Variants in TENM4 observed in about 807,000 individuals in gnomAD.
TENM4 encodes the protein teneurin transmembrane protein 4, also known as teneurin-4.
In TENM4, 82 loss-of-function variants were observed where a neutral mutation model predicts 243.3. That is an observed-to-expected ratio of 0.34 (90% CI 0.28 to 0.40). The LOEUF is 0.40. Ranked by LOEUF, TENM4 falls within the 10% of genes least tolerant of loss-of-function variation. The pLI, the probability that TENM4 is intolerant of heterozygous loss-of-function variation, is 1.00. For missense variants in TENM4, 3,138 were observed against 3,673.3 expected (o/e 0.85, Z 3.77); for synonymous variants, 1,412 against 1,456.3 (o/e 0.97, Z 0.69).
chr11:79,429,806 G>T (rs1590960916), intron 1 of TENM4, among the ~76,000 whole-genome samples: 1 of 152,200 alleles, frequency 6.6e-6, no homozygotes, highest in Non-Finnish European at 1.5e-5. Flanking sequence ...TAATGGTGCT[G>T]ATTCAAGGAT....
At chr11:78,940,258 T>C (rs1388326659) in intron 6 of TENM4, among the ~76,000 whole-genome samples, 1 of 152,258 alleles carries the variant, frequency 6.6e-6, no homozygotes, top group African/African-American at 2.4e-5. Flanking sequence ...ATGATTTTAA[T>C]GACTACCTAA....
At chr11:78,847,709 C>A (rs899645599) in intron 12 of TENM4, among the ~76,000 whole-genome samples, 1 of 152,166 alleles carries the variant, frequency 6.6e-6, no homozygotes, top group Admixed American at 6.5e-5. Context: ...TACCAAGAGA[C>A]CTCAATTCTT....
chr11:79,008,377 G>A (rs569207292), intron 6 of TENM4, among the ~76,000 whole-genome samples: 74 of 152,118 alleles, frequency 4.9e-4, no homozygotes, highest in African/African-American at 1.7e-3. Flanking sequence ...CCCTTCTTTA[G>A]AAACATGTAT....
chr11:79,250,409 C>T (rs1288945750), intron 2 of TENM4, among the ~76,000 whole-genome samples: 1 of 152,220 alleles, frequency 6.6e-6, no homozygotes, highest in Non-Finnish European at 1.5e-5. Flanking sequence ...AGTGGCAGAG[C>T]TAGAATTTGA....
chr11:79,082,417 GCAGT>G, intron 4 of TENM4, among the ~76,000 whole-genome samples: 1 of 152,246 alleles, frequency 6.6e-6, no homozygotes, highest in East Asian at 1.9e-4. Flanking sequence ...GTTGTGACTG[GCAGT>G]CAGCCGCATC....
intron 4 of TENM4, among the ~76,000 whole-genome samples, chr11:79,105,807 C>T (rs12419002): frequency 0.14 from 21,685 of 152,216 alleles, 1,627 homozygotes; most frequent in Middle Eastern, 0.19. Context: ...AGCAAGGTAA[C>T]AGTGTTGCTG....
chr11:79,066,359 A>G (rs1860246313), intron 5 of TENM4, among the ~76,000 whole-genome samples: 1 of 152,200 alleles, frequency 6.6e-6, no homozygotes, highest in Admixed American at 6.5e-5. Flanking sequence ...ACAAGCCTGC[A>G]AAGGAAAGCA....
At chr11:78,854,398 C>T in intron 11 of TENM4, 84 bp from the exon 12 acceptor site, 1 of 1,287,614 alleles carries the variant, frequency 7.8e-7, no homozygotes, top group Non-Finnish European at 1.0e-6. Context: ...CTGGAGAGGA[C>T]ATTGGGAAAC....
chr11:79,087,704 TC>T (rs1285120203), intron 4 of TENM4, among the ~76,000 whole-genome samples: 2 of 152,240 alleles, frequency 1.3e-5, no homozygotes, highest in African/African-American at 4.8e-5. Context: ...ACAAGGTCCT[TC>T]CTGCAGCTCA....
chr11:78,992,435 T>A (rs1858068879), intron 6 of TENM4, among the ~76,000 whole-genome samples: 1 of 152,242 alleles, frequency 6.6e-6, no homozygotes, highest in South Asian at 2.1e-4. Context: ...AAGGACTCTT[T>A]CTCTGATTAC....
chr11:78,903,327 C>T lies in TENM4; in HGVS notation c.690G>A (p.Gln230=). The change falls in exon 7 of 34, where the codon CAG becomes CAA. Residue 230 remains glutamine, a synonymous_variant. Transcript: ENST00000278550. ...AGTTCTCCTGGGCGTGGGCAGGCTC[C>T]TGGGCGCCGCCGGCAGGGGGCTCTC... ...LSGEPPAGGA[Q]EPAHAQENWL... The T allele has an allele frequency of 6.7e-7, 1 of 1,482,086 alleles. No individual in the cohort carries two copies. Among genetic ancestry groups the T allele is most frequent in the East Asian group, 2.6e-5 (1 of 37,978 alleles). 91.8% of individuals were successfully genotyped at this position (1,482,086 alleles called of 1,614,324 possible).
rs771645283 is a variant in TENM4 at position 78,732,538 on chromosome 11, C to T, written c.2916G>A (p.Leu972=). ...LVTNGGISII[L]RFERAPFITQ... ...TGATGAAAGGTGCCCGCTCGAACCG[C>T]AGGATGATGGAGATGCCGCCATTTG... The change falls in exon 21 of 34, where the codon CTG becomes CTA. Residue 972 remains leucine (L), a synonymous_variant. Coordinates refer to ENST00000278550, the MANE Select transcript of TENM4 (RefSeq NM_001098816.3). 6 of 1,610,734 alleles carry T rather than the reference C, an allele frequency of 3.7e-6. No homozygotes were observed. Among genetic ancestry groups the T allele is most frequent in the Non-Finnish European group, 5.1e-6 (6 of 1,177,770 alleles).
At chr11:79,415,594 C>T (rs1858796089) in intron 1 of TENM4, among the ~76,000 whole-genome samples, 1 of 152,164 alleles carries the variant, frequency 6.6e-6, no homozygotes, top group African/African-American at 2.4e-5. Flanking sequence ...CCCAAGGTGA[C>T]AGTGAGTGCT....
rs1211481037 is a variant in TENM4, at chr11:78,655,514, G to GA, written c.*2543dup. 4.4e-4 allele frequency: 63 copies of GA among 143,846 alleles called. No individual in the cohort carries two copies. The highest frequency in any genetic ancestry group is 8.2e-4 in the African/African-American group (32 of 38,960). 8.9% of individuals were successfully genotyped at this position (143,846 alleles called of 1,614,324 possible). On this transcript the variant is annotated 3_prime_UTR_variant, in exon 34 of 34. Transcript: ENST00000278550. ...CAACATAGTGAGACCCCATCTCTAT[G>GA]AAAAAAAAAAGAAAGAAAGAAAAAA...
At chr11:79,160,823 T>C (rs1036715913) in intron 3 of TENM4, among the ~76,000 whole-genome samples, 2 of 152,200 alleles carry the variant, frequency 1.3e-5, no homozygotes, top group East Asian at 1.9e-4. Context: ...TTTAATCCTT[T>C]GAGTTTTAGC....
chr11:79,387,896 T>C (rs1355469223), intron 1 of TENM4, among the ~76,000 whole-genome samples: 1 of 152,118 alleles, frequency 6.6e-6, no homozygotes, highest in Non-Finnish European at 1.5e-5. Flanking sequence ...TCCCAGCTCC[T>C]TGTGTGGCTG....
intron 1 of TENM4, among the ~76,000 whole-genome samples, chr11:79,407,649 A>T (rs1858600835): frequency 6.6e-6 from 1 of 152,230 alleles, no homozygotes; most frequent in African/African-American, 2.4e-5. Flanking sequence ...AGAAAAATAT[A>T]CATTTGTTGA....
At chr11:78,700,194 T>G (rs1423928146) in intron 28 of TENM4, among the ~76,000 whole-genome samples, 1 of 152,160 alleles carries the variant, frequency 6.6e-6, no homozygotes, top group Non-Finnish European at 1.5e-5. Context: ...TCAGGTTCAT[T>G]TGGAATTAAC....
chr11:78,728,423 G>A (rs1855573443), intron 22 of TENM4, among the ~76,000 whole-genome samples: 1 of 152,060 alleles, frequency 6.6e-6, no homozygotes, highest in Non-Finnish European at 1.5e-5. Context: ...AGGTGCTCAA[G>A]CAACATTCTT....
Sources: gnomAD v4.1 joint callset for allele counts (sites outside exome capture counted in the v4.1 genomes callset) on GRCh38, gnomAD v4.1.1 for gene constraint, MANE v1.5 for transcripts, NCBI Gene and HGNC (gene_info 2026-07-23, HGNC 2026-07-21) for gene names.